The following SNX7 variants were observed in gnomAD, a reference collection of about 807,000 sequenced individuals.
SNX7 encodes the protein sorting nexin-7.
Under a neutral mutation model 48.4 loss-of-function variants are expected in SNX7, and 35 were observed. The ratio of observed to expected loss-of-function variants is 0.72; its 90% CI spans 0.55 to 0.96. SNX7 has a LOEUF of 0.96. SNX7 is among the 40% of genes least tolerant of loss of function. SNX7 has a pLI of 0.00. For missense variants in SNX7, 553 were observed against 548.9 expected, an observed-to-expected ratio of 1.01 and a Z score of -0.07; for synonymous variants, 190 against 190.2, an observed-to-expected ratio of 1.00 and a Z score of 0.01.
chr1:98,710,083 ACAG>A (rs1652219994), intron 7 of SNX7, among the ~76,000 whole-genome samples: 1 of 152,154 alleles, frequency 6.6e-6, no homozygotes, highest in South Asian at 2.1e-4. Flanking sequence ...AAATTCATAA[ACAG>A]CAGCATGTCT....
chr1:98,683,329 A>G (rs1650605115), intron 1 of SNX7, among the ~76,000 whole-genome samples: 2 of 152,118 alleles, frequency 1.3e-5, no homozygotes, highest in Non-Finnish European at 2.9e-5. Flanking sequence ...AGACCTGGCT[A>G]ATTCATTAGG....
At chr1:98,735,798 A>ATATAACCTAATC (rs1277721721) in intron 7 of SNX7, among the ~76,000 whole-genome samples, 3 of 152,186 alleles carry the variant, frequency 2.0e-5, no homozygotes, top group Admixed American at 2.0e-4. Flanking sequence ...GCTTCAACAG[A>ATATAACCTAATC]TAGTCTTACC....
At position 98,760,235 on chromosome 1, in the gene SNX7, T is replaced by A. The variant is rs1655047652; in HGVS notation, c.*104T>A. The A allele has an allele frequency of 5.8e-6, 5 of 859,044 alleles. No homozygotes were observed. 53.2% of individuals were successfully genotyped at this position (859,044 alleles called of 1,614,324 possible). A position where few individuals can be genotyped will look rare whatever the true frequency, so the allele number is the denominator to read the frequency against. On this transcript the variant is annotated 3_prime_UTR_variant, in exon 9 of 9. Coordinates refer to ENST00000306121, the MANE Select transcript of SNX7 (RefSeq NM_015976.5). ...CTTATAAAGTGGATGAAAAATGTTTTGTACCCATCTGGAAAACCAACAACT... is the reference window on the plus strand; with the variant it reads ...CTTATAAAGTGGATGAAAAATGTTTAGTACCCATCTGGAAAACCAACAACT...
At position 98,701,782 on chromosome 1, in the gene SNX7, TA is replaced by T. The variant is rs748628848; in HGVS notation, c.1039-34del. 66 of 1,418,916 alleles carry T rather than the reference TA, an allele frequency of 4.7e-5. No homozygotes were observed. In the African/African-American group the frequency reaches 9.2e-4, roughly 20 times the overall value. The allele number at this position is 1,418,916 out of a possible 1,614,324, so 87.9% of individuals were successfully genotyped here. Reference sequence around the variant, plus strand: ...TATAGGAAAGATTATTAAAACTAAGTACAGCCTATTTTATCTGTGTGTTTTA... The same window carrying T: ...TATAGGAAAGATTATTAAAACTAAGTCAGCCTATTTTATCTGTGTGTTTTA... On this transcript the variant is annotated intron_variant, in intron 6 of 8. Transcript: ENST00000306121.
intron 6 of SNX7, 79 bp downstream of exon 6, chr1:98,698,984 T>C (rs1570536171): frequency 7.4e-7 from 1 of 1,360,166 alleles, no homozygotes; most frequent in Non-Finnish European, 1.0e-6. Context: ...ATTTCTTTTC[T>C]TTAAAACCAC....
At chr1:98,730,991 A>G (rs1202323994) in intron 7 of SNX7, among the ~76,000 whole-genome samples, 5 of 152,106 alleles carry the variant, frequency 3.3e-5, no homozygotes, top group Non-Finnish European at 5.9e-5. Context: ...AGGTGGGGAA[A>G]GAGAACATCA....
chr1:98,694,289 GA>G (rs1215155591), intron 4 of SNX7, among the ~76,000 whole-genome samples: 1 of 150,332 alleles, frequency 6.7e-6, no homozygotes, highest in Non-Finnish European at 1.5e-5. Context: ...AGAATGGCAT[GA>G]ACCCGGGAGG....
intron 7 of SNX7, among the ~76,000 whole-genome samples, chr1:98,707,820 A>G (rs1652089197): frequency 2.6e-5 from 4 of 152,194 alleles, no homozygotes; most frequent in Non-Finnish European, 4.4e-5. Context: ...GCACAGCCAC[A>G]TTCAGTAGAT....
intron 4 of SNX7, among the ~76,000 whole-genome samples, chr1:98,694,595 G>GTTTTTTT (rs1557802551): frequency 2.8e-5 from 2 of 71,184 alleles, no homozygotes; most frequent in Admixed American, 1.7e-4. Context: ...ATTGCTCTGG[G>GTTTTTTT]ATTTTTTTTT....
At chr1:98,754,281 A>C (rs1440977017) in intron 8 of SNX7, among the ~76,000 whole-genome samples, 6 of 151,996 alleles carry the variant, frequency 3.9e-5, no homozygotes, top group African/African-American at 1.4e-4. Context: ...TTTTATTTAG[A>C]AGTTTTGCAT....
intron 8 of SNX7, among the ~76,000 whole-genome samples, chr1:98,757,015 C>A (rs548239162): frequency 3.4e-4 from 51 of 152,092 alleles, no homozygotes; most frequent in South Asian, 1.7e-3. Flanking sequence ...CACAGGAGAT[C>A]TGGTTGTTTA....
chr1:98,673,012 C>T (rs1570489783), intron 1 of SNX7, among the ~76,000 whole-genome samples: 1 of 151,626 alleles, frequency 6.6e-6, no homozygotes, highest in East Asian at 1.9e-4. Context: ...TAATCACCTC[C>T]AATTGGCTAA....
At chr1:98,716,788 G>A (rs972937147) in intron 7 of SNX7, among the ~76,000 whole-genome samples, 1 of 151,760 alleles carries the variant, frequency 6.6e-6, no homozygotes, top group Non-Finnish European at 1.5e-5. Flanking sequence ...ACAATTATCT[G>A]CTACTAAAAT....
chr1:98,709,056 C>A (rs9728993), intron 7 of SNX7, among the ~76,000 whole-genome samples: 89,807 of 152,022 alleles, frequency 0.59, 27,447 homozygotes, highest in East Asian at 0.7. Flanking sequence ...CATTTACTGC[C>A]TTTGTAGTTC....
intron 2 of SNX7, among the ~76,000 whole-genome samples, chr1:98,689,794 G>A (rs1230483495): frequency 2.0e-5 from 3 of 152,144 alleles, no homozygotes; most frequent in Non-Finnish European, 4.4e-5. Flanking sequence ...ACACTGACCA[G>A]TCTATATTAT....
chr1:98,726,110 G>C (rs574258863), intron 7 of SNX7, among the ~76,000 whole-genome samples: 2 of 152,108 alleles, frequency 1.3e-5, no homozygotes, highest in South Asian at 2.1e-4. Flanking sequence ...CCAGGGTGCC[G>C]CATTTTACAG....
chr1:98,715,708 A>G (rs1005549179), intron 7 of SNX7, among the ~76,000 whole-genome samples: 4 of 152,166 alleles, frequency 2.6e-5, no homozygotes, highest in African/African-American at 9.7e-5. Flanking sequence ...TGCTTCTGAT[A>G]CAACAAAACG....
intron 7 of SNX7, among the ~76,000 whole-genome samples, chr1:98,733,930 C>T (rs1653646090): frequency 6.6e-6 from 1 of 152,136 alleles, no homozygotes; most frequent in African/African-American, 2.4e-5. Context: ...CTGCCTTGAT[C>T]AAAACCTTCA....
In SNX7 at chr1:98,717,903, A is replaced by C. The variant is rs143057875; in HGVS notation, c.1125+16000A>C. Among the ~76,000 whole-genome samples the C allele has an allele frequency of 3.6e-3, 546 of 152,208 alleles. 4 individuals carry two copies. Among genetic ancestry groups the C allele is most frequent in the African/African-American group, 0.012 (508 of 41,536 alleles). On this transcript the variant is annotated intron_variant, in intron 7 of 8. Transcript: ENST00000306121. ...GAGACCTTCTTATTTAGAAGCTTTT[A>C]ATGTAAACTTAGTGAGAAAAAAGAC...
Sources: gnomAD v4.1 joint callset for allele counts (sites outside exome capture counted in the v4.1 genomes callset) on GRCh38, gnomAD v4.1.1 for gene constraint, MANE v1.5 for transcripts, NCBI Gene and HGNC (gene_info 2026-07-23, HGNC 2026-07-21) for gene names.